ZNF341: variants seen among roughly 807,000 people sequenced by gnomAD.
ZNF341 encodes the protein zinc finger protein 341.
Under a neutral mutation model 87.7 loss-of-function variants are expected in ZNF341, and 52 were observed. That is an observed-to-expected ratio of 0.59 (90% CI 0.47 to 0.75). The LOEUF is 0.75. ZNF341 is among the 30% of genes least tolerant of loss of function. The pLI is 0.00. For synonymous variants in ZNF341, 459 were observed against 472.7 expected (o/e 0.97, Z 0.38); for missense variants, 977 against 1,145.9 (o/e 0.85, Z 2.13).
In ZNF341 at chr20:33,791,686, C is replaced by A; in HGVS notation, c.*169C>A. 1 of 745,234 alleles carries A rather than the reference C, an allele frequency of 1.3e-6. No individual in the cohort carries two copies. Among genetic ancestry groups the A allele is most frequent in the Non-Finnish European group, 2.1e-6 (1 of 485,016 alleles). The allele number at this position is 745,234 out of a possible 1,614,324, so 46.2% of individuals were successfully genotyped here. On this transcript the variant is annotated 3_prime_UTR_variant, in exon 15 of 15. Transcript: ENST00000375200. Reference sequence around the variant, plus strand: ...TCAGCCCATGGTCGCCCTCCTGTGCCCCTCTCCTGCCGGAAAGCCCTGCAA... The same window carrying A: ...TCAGCCCATGGTCGCCCTCCTGTGCACCTCTCCTGCCGGAAAGCCCTGCAA...
chr20:33,751,044 G>A (rs1215540989), intron 4 of ZNF341, among the ~76,000 whole-genome samples: 2 of 152,108 alleles, frequency 1.3e-5, no homozygotes, highest in African/African-American at 4.8e-5. Context: ...CAAAGTGCTG[G>A]GATTACAGGT....
intron 10 of ZNF341, among the ~76,000 whole-genome samples, chr20:33,778,047 C>G (rs2019663862): frequency 6.6e-6 from 1 of 152,186 alleles, no homozygotes; most frequent in Admixed American, 6.5e-5. Flanking sequence ...TTGATTTGCT[C>G]TATTACTGGT....
At chr20:33,754,935 C>T (rs530457336) in intron 5 of ZNF341, among the ~76,000 whole-genome samples, 3 of 152,188 alleles carry the variant, frequency 2.0e-5, no homozygotes, top group East Asian at 1.9e-4. Context: ...AATTTATTCA[C>T]GTGACAAGTA....
intron 12 of ZNF341, among the ~76,000 whole-genome samples, chr20:33,785,015 C>T (rs2122734508): frequency 6.6e-6 from 1 of 152,306 alleles, no homozygotes; most frequent in South Asian, 2.1e-4. Flanking sequence ...CTTGGTTCCC[C>T]AGTTGAAACA....
Position 33,791,208 on chromosome 20 carries a change from C to A in ZNF341, c.2256C>A (p.Ala752=), listed in dbSNP as rs1400876590. 6.2e-7 allele frequency: 1 copy of A among 1,612,518 alleles called. No individual in the cohort carries two copies. The highest frequency in any genetic ancestry group is 8.5e-7 in the Non-Finnish European group (1 of 1,179,660). The change falls in exon 15 of 15, where the codon GCC becomes GCA. Residue 752 remains alanine (A), a synonymous_variant. Coordinates refer to ENST00000375200, the MANE Select transcript of ZNF341 (RefSeq NM_001282933.2). ...QTRRPPQRRA[A]PRSCGSGGRK... ...GGCGGCCCCCCCAGAGGAGGGCAGC[C>A]CCCCGCAGTTGCGGCAGTGGTGGGC...
rs200686452 is a variant in ZNF341 at position 33,750,385 on chromosome 20, C to CT, written c.489+1322dup. On this transcript the variant is annotated intron_variant, in intron 4 of 14. Coordinates refer to ENST00000375200, the MANE Select transcript of ZNF341 (RefSeq NM_001282933.2). The stretch of plus-strand genomic sequence containing the variant: ...ATCCTTTTGATTTTCTCAACCGAGA[C>CT]TTTTTTTTTCCCTGTTTGGGAACCC... Among the ~76,000 whole-genome samples the CT allele has an allele frequency of 6.6e-5, 10 of 151,752 alleles. No homozygotes were observed. The East Asian group carries it at 1.2e-3, about 18-fold the overall frequency.
chr20:33,732,154 G>A lies in ZNF341; in HGVS notation c.31+102G>A. The A allele has an allele frequency of 1.1e-6, 1 of 929,060 alleles. No homozygotes were observed. The highest frequency in any genetic ancestry group is 1.3e-6 in the Non-Finnish European group (1 of 777,720). The allele number at this position is 929,060 out of a possible 1,614,324, so 57.6% of individuals were successfully genotyped here. On this transcript the variant is annotated intron_variant, in intron 1 of 14. Coordinates refer to ENST00000375200, the MANE Select transcript of ZNF341 (RefSeq NM_001282933.2). The surrounding 1 kb of genome is among the most constrained non-coding windows in gnomAD (Gnocchi z 4.5). The stretch of plus-strand genomic sequence containing the variant: ...CTAGGGCGCGCAGCGGCCGCGGGGC[G>A]GAGGGCGCCGGGGCTGGAACAGCCG...
At position 33,732,734 on chromosome 20, in the gene ZNF341, C is replaced by T. The variant is rs747750163; in HGVS notation, c.31+682C>T. Among the ~76,000 whole-genome samples, 2 of 152,212 alleles carry T rather than the reference C, an allele frequency of 1.3e-5. No homozygotes were observed. The highest frequency in any genetic ancestry group is 2.4e-5 in the African/African-American group (1 of 41,462). ...ACCCAGGCCAGCAAACGCTGGGTGC[C>T]GACAGACTGTTCCGTGCTCTGCAAG... On this transcript the variant is annotated intron_variant, in intron 1 of 14. Transcript: ENST00000375200. The surrounding 1 kb of genome is among the most constrained non-coding windows in gnomAD (Gnocchi z 4.5).
chr20:33,745,047 C>G, intron 2 of ZNF341, 56 bp from the exon 3 acceptor site: 1 of 1,512,042 alleles, frequency 6.6e-7, no homozygotes. Context: ...GCTTTTTTTT[C>G]ATTACTTTAC....
At chr20:33,745,038 C>A in intron 2 of ZNF341, 65 bp from the exon 3 acceptor site, 2 of 1,478,726 alleles carry the variant, frequency 1.4e-6, no homozygotes, top group Non-Finnish European at 1.9e-6. Flanking sequence ...CATAGTCTTG[C>A]TTTTTTTTCA....
At chr20:33,750,644 AT>A (rs11476079) in intron 4 of ZNF341, among the ~76,000 whole-genome samples, 38 of 147,534 alleles carry the variant, frequency 2.6e-4, no homozygotes, top group Non-Finnish European at 2.7e-4. Context: ...TTAAAAAAAA[AT>A]TTTTTTTTTT....
intron 9 of ZNF341, among the ~76,000 whole-genome samples, chr20:33,769,248 A>T (rs1028038004): frequency 1.3e-5 from 2 of 152,142 alleles, no homozygotes; most frequent in Non-Finnish European, 2.9e-5. Flanking sequence ...GGCTCCTTAG[A>T]CAGCAGTTCT....
At chr20:33,771,047 G>A (rs1004404885) in intron 10 of ZNF341, among the ~76,000 whole-genome samples, 19 of 151,952 alleles carry the variant, frequency 1.3e-4, no homozygotes, top group Non-Finnish European at 4.4e-5. Context: ...ACGTGAACCC[G>A]GGAGGCAGAG....
intron 7 of ZNF341, 55 bp from the exon 8 acceptor site, chr20:33,761,807 C>T: frequency 7.2e-7 from 1 of 1,381,502 alleles, no homozygotes; most frequent in Non-Finnish European, 9.6e-7. Context: ...AGCTCCTGGG[C>T]TGAGGCCTCG....
intron 1 of ZNF341, among the ~76,000 whole-genome samples, chr20:33,733,197 C>T (rs2018612151): frequency 6.6e-6 from 1 of 151,458 alleles, no homozygotes; most frequent in African/African-American, 2.4e-5. Context: ...TAGGCGTGCA[C>T]CACCACACCC....
intron 12 of ZNF341, among the ~76,000 whole-genome samples, chr20:33,785,065 A>G (rs563496345): frequency 1.6e-4 from 24 of 152,270 alleles, no homozygotes; most frequent in Admixed American, 3.3e-4. Context: ...AGATTTTTTT[A>G]TTAGTTAAAT....
At chr20:33,765,582 G>A (rs1357577585) in intron 8 of ZNF341, among the ~76,000 whole-genome samples, 4 of 151,982 alleles carry the variant, frequency 2.6e-5, no homozygotes, top group African/African-American at 9.7e-5. Context: ...GTCTCATTAT[G>A]TTGCTGAGGC....
In ZNF341 at chr20:33,783,717, C is replaced by T; in HGVS notation, c.1720-15C>T. 1.2e-6 allele frequency: 2 copies of T among 1,613,684 alleles called. No individual in the cohort carries two copies. Among genetic ancestry groups the T allele is most frequent in the Non-Finnish European group, 1.7e-6 (2 of 1,179,846 alleles). ...GCCCGGTGAGTCAGACCTGAAGGCC[C>T]CTCTTCTCTCCCAGGTGTTTCCTTG... On this transcript the variant is annotated splice_polypyrimidine_tract_variant and intron_variant, in intron 11 of 14. Coordinates refer to ENST00000375200, the MANE Select transcript of ZNF341 (RefSeq NM_001282933.2).
intron 10 of ZNF341, among the ~76,000 whole-genome samples, chr20:33,775,464 C>T (rs1313359446): frequency 6.6e-6 from 1 of 150,866 alleles, no homozygotes; most frequent in Non-Finnish European, 1.5e-5. Flanking sequence ...CCACCTCGGC[C>T]TCCCAAAGTG....
Sources: allele counts gnomAD v4.1 joint callset (sites outside exome capture counted in the v4.1 genomes callset), GRCh38; gene constraint gnomAD v4.1.1; non-coding constraint Gnocchi (gnomAD v3.1); transcripts MANE v1.5; gene names NCBI Gene and HGNC (gene_info 2026-07-23, HGNC 2026-07-21).